CACNA2D4: variants seen among roughly 807,000 people sequenced by gnomAD.
CACNA2D4 encodes calcium voltage-gated channel auxiliary subunit alpha2delta 4.
A neutral mutation model predicts 163.8 loss-of-function variants in CACNA2D4; 157 were observed. The observed-to-expected ratio is 0.96, with a 90% CI of 0.84 to 1.09. CACNA2D4 has a LOEUF of 1.09. Among genes scored for constraint, CACNA2D4 ranks in the 50% least tolerant of loss-of-function variants. The probability of loss-of-function intolerance (pLI) is 0.00; values close to 1 mark genes in which losing one functional copy is unlikely to be tolerated. For missense variants in CACNA2D4, 1,410 were observed against 1,479.9 expected, an observed-to-expected ratio of 0.95 and a Z score of 0.78; for synonymous variants, 598 against 586.9, an observed-to-expected ratio of 1.02 and a Z score of -0.27.
At chr12:1,845,306 C>G (rs1459201329) in intron 24 of CACNA2D4, among the ~76,000 whole-genome samples, 1 of 140,736 alleles carries the variant, frequency 7.1e-6, no homozygotes, top group Non-Finnish European at 1.5e-5. Flanking sequence ...TGCTTCCAGT[C>G]TTAGAAGCCT....
intron 3 of CACNA2D4, among the ~76,000 whole-genome samples, chr12:1,911,992 C>T (rs1041771179): frequency 1.3e-5 from 2 of 152,216 alleles, no homozygotes; most frequent in Non-Finnish European, 1.5e-5. Context: ...ATGCTAAGAT[C>T]CCTTGCCCTG....
Position 1,874,699 on chromosome 12 carries a change from T to G in CACNA2D4, c.1807-24A>C. The G allele has an allele frequency of 6.4e-7, 1 of 1,560,028 alleles. No homozygotes were observed. The highest frequency in any genetic ancestry group is 1.1e-5 in the South Asian group (1 of 89,838). On this transcript the variant is annotated intron_variant, in intron 17 of 37. Transcript: ENST00000382722. The surrounding 1 kb of genome is among the most constrained non-coding windows in gnomAD (Gnocchi z 4.4). ...AGCTTCAGGAGGAAAGACAATGGCA[T>G]TAGTTCCTTGGCTCACAGGGGATGG...
At chr12:1,794,678 G>GAC (rs1863061012) in intron 37 of CACNA2D4, among the ~76,000 whole-genome samples, 1 of 152,208 alleles carries the variant, frequency 6.6e-6, no homozygotes, top group African/African-American at 2.4e-5. Flanking sequence ...GAGTGGAAGA[G>GAC]ACACGTAGGC....
chr12:1,870,917 A>C (rs527338334), intron 18 of CACNA2D4, among the ~76,000 whole-genome samples: 2 of 152,302 alleles, frequency 1.3e-5, no homozygotes, highest in East Asian at 3.9e-4. Flanking sequence ...AGAGAGAAAG[A>C]CAGTGTAAGA....
intron 29 of CACNA2D4, among the ~76,000 whole-genome samples, chr12:1,807,440 C>T (rs1251181202): frequency 1.3e-5 from 2 of 151,554 alleles, no homozygotes; most frequent in East Asian, 3.9e-4. Flanking sequence ...TGCTTGTAAG[C>T]CACTCTTTTT....
At chr12:1,800,839 CT>C in intron 31 of CACNA2D4, 1 of 604,228 alleles carries the variant, frequency 1.7e-6, no homozygotes, top group South Asian at 2.0e-5. Context: ...AGCAGTCCCT[CT>C]GAAGCCCCAA....
At position 1,860,218 on chromosome 12, in the gene CACNA2D4, G is replaced by C; in HGVS notation, c.1879-12C>G. ...AAAAGAACTCGCTTCTGAAAGAGTAGACAAGGAAAGAGTGCTCACGCAGAG... is the reference window on the plus strand; with the variant it reads ...AAAAGAACTCGCTTCTGAAAGAGTACACAAGGAAAGAGTGCTCACGCAGAG... On this transcript the variant is annotated splice_polypyrimidine_tract_variant and intron_variant, in intron 18 of 37. Transcript: ENST00000382722. 6.2e-7 allele frequency: 1 copy of C among 1,611,362 alleles called. No individual in the cohort carries two copies. The highest frequency in any genetic ancestry group is 8.5e-7 in the Non-Finnish European group (1 of 1,178,120).
In CACNA2D4 at chr12:1,831,361, C is replaced by T. The variant is rs774455992; in HGVS notation, c.2551+9378G>A. On this transcript the variant is annotated intron_variant, in intron 26 of 37. Transcript: ENST00000382722. ...CCTGGTCTTTTCGACGGGCTCCTGG[C>T]TCTGCGCTCCCTCTCGCTTCGCTCC... is the stretch of plus-strand genomic sequence containing the variant. 3.7e-6 allele frequency: 6 copies of T among 1,614,000 alleles called. No homozygotes were observed. In the Admixed American group the frequency reaches 8.3e-5, roughly 22 times the overall value.
rs1426406743 is a variant in CACNA2D4 at position 1,844,517 on chromosome 12, T to G, written c.2355A>C (p.Thr785=). 3.7e-6 allele frequency: 6 copies of G among 1,612,574 alleles called. No individual in the cohort carries two copies. Among genetic ancestry groups the G allele is most frequent in the Non-Finnish European group, 5.1e-6 (6 of 1,179,168 alleles). ...TGAACACGCTGGCCTCGTCCTCAGG[T>G]GTCAGGAACTTCCTGCAAGGAGGAA... The part of the protein sequence containing the change: ...SEKVSDRKFL[T]PEDEASVFTL... The change falls in exon 25 of 38, where the codon ACA becomes ACC. Residue 785 remains threonine (T), a synonymous_variant. Coordinates refer to ENST00000382722, the MANE Select transcript of CACNA2D4 (RefSeq NM_172364.5). This position sits in a 1 kb window ranked among gnomAD's most constrained non-coding sequence, Gnocchi z 4.2.
At chr12:1,811,282 A>G (rs1001492822) in intron 27 of CACNA2D4, among the ~76,000 whole-genome samples, 1 of 152,244 alleles carries the variant, frequency 6.6e-6, no homozygotes, top group Non-Finnish European at 1.5e-5. Flanking sequence ...GGACGAGGCC[A>G]GGCAGAGCTG....
chr12:1,841,983 G>A (rs1333064372), intron 25 of CACNA2D4, among the ~76,000 whole-genome samples: 3 of 152,216 alleles, frequency 2.0e-5, no homozygotes, highest in African/African-American at 7.2e-5. Flanking sequence ...CATCTCGAAG[G>A]TGGTGATGTG....
intron 26 of CACNA2D4, among the ~76,000 whole-genome samples, chr12:1,821,853 C>T (rs1864116792): frequency 6.6e-6 from 1 of 152,110 alleles, no homozygotes; most frequent in African/African-American, 2.4e-5. Context: ...AAGCTGTCCA[C>T]ATTTCTGGGG....
intron 22 of CACNA2D4, among the ~76,000 whole-genome samples, chr12:1,855,358 T>A (rs780810140): frequency 6.6e-6 from 1 of 152,138 alleles, no homozygotes; most frequent in Non-Finnish European, 1.5e-5. Flanking sequence ...GACAATTATG[T>A]GACAGGATGA....
intron 23 of CACNA2D4, among the ~76,000 whole-genome samples, chr12:1,850,671 G>A (rs533806175): frequency 3.3e-5 from 5 of 152,070 alleles, no homozygotes; most frequent in Admixed American, 6.5e-5. Context: ...TTGGGAGGCC[G>A]AGGCAGGGGG....
rs547907219 is a variant in CACNA2D4, at chr12:1,905,173, A to G, written c.781+2267T>C. Among the ~76,000 whole-genome samples the G allele has an allele frequency of 9.9e-5, 15 of 152,262 alleles. No individual in the cohort carries two copies. In the East Asian group the frequency reaches 2.9e-3, roughly 29 times the overall value. Reference sequence around the variant, plus strand: ...ATTTCACAAAATTCTACATCCTTTGATGACAAAAACATTAAAAAAACTAGC... The same window carrying G: ...ATTTCACAAAATTCTACATCCTTTGGTGACAAAAACATTAAAAAAACTAGC... On this transcript the variant is annotated intron_variant, in intron 6 of 37. Coordinates refer to ENST00000382722, the MANE Select transcript of CACNA2D4 (RefSeq NM_172364.5).
chr12:1,897,039 A>C (rs1004731914), intron 6 of CACNA2D4, among the ~76,000 whole-genome samples: 1 of 150,274 alleles, frequency 6.7e-6, no homozygotes, highest in African/African-American at 2.5e-5. Flanking sequence ...GCATAGAAAA[A>C]CAAACACTGG....
chr12:1,907,434 C>CCTGGAT lies in CACNA2D4; in HGVS notation c.781+5_781+6insATCCAG. On this transcript the variant is annotated splice_donor_region_variant and intron_variant, in intron 6 of 37. Coordinates refer to ENST00000382722, the MANE Select transcript of CACNA2D4 (RefSeq NM_172364.5). Reference sequence around the variant, plus strand: ...AGGTCGGGGAGATGCAACTCCATGTCCTTACCTGGATAGATCCTGAAGAAT... The same window carrying CCTGGAT: ...AGGTCGGGGAGATGCAACTCCATGTCCTGGATCTTACCTGGATAGATCCTGAAGAAT... 8 of 1,612,990 alleles carry CCTGGAT rather than the reference C, an allele frequency of 5.0e-6. No individual in the cohort carries two copies. The highest frequency in any genetic ancestry group is 5.1e-6 in the Non-Finnish European group (6 of 1,179,154).
intron 35 of CACNA2D4, chr12:1,796,057 T>C (rs1863114292): frequency 4.4e-6 from 2 of 449,906 alleles, no homozygotes; most frequent in Non-Finnish European, 4.1e-6. Flanking sequence ...GCAGAGTTGC[T>C]ATTAATATAT....
chr12:1,864,807 T>A lies in CACNA2D4; in HGVS notation c.1879-4601A>T, dbSNP rs544810795. Among the ~76,000 whole-genome samples the A allele has an allele frequency of 2.3e-4, 35 of 152,336 alleles. 1 individual carries two copies. In the East Asian group the frequency reaches 6.7e-3, roughly 29 times the overall value. On this transcript the variant is annotated intron_variant, in intron 18 of 37. Transcript: ENST00000382722. The stretch of plus-strand genomic sequence containing the variant: ...GACACGCTCCGCTCCGGCTGTAGAA[T>A]TGCCGATGGCTGCCCGCAATGCTCG...
Sources: allele counts gnomAD v4.1 joint callset (sites outside exome capture counted in the v4.1 genomes callset), GRCh38; gene constraint gnomAD v4.1.1; non-coding constraint Gnocchi (gnomAD v3.1); transcripts MANE v1.5; gene names NCBI Gene and HGNC (gene_info 2026-07-23, HGNC 2026-07-21).